Variants in XPR1 observed in about 807,000 individuals in gnomAD.
XPR1 encodes the protein xenotropic and polytropic retrovirus receptor 1.
In XPR1, 28 loss-of-function variants were observed where a neutral mutation model predicts 87.5. The observed-to-expected ratio is 0.32, with a 90% CI of 0.24 to 0.44. XPR1 has a LOEUF of 0.44. Ranked by LOEUF, XPR1 falls within the 20% of genes least tolerant of loss-of-function variation. The probability of loss-of-function intolerance (pLI) is 1.00; values close to 1 mark genes in which losing one functional copy is unlikely to be tolerated. For missense variants in XPR1, 559 were observed against 862.3 expected, an observed-to-expected ratio of 0.65 and a Z score of 4.41; for synonymous variants, 300 against 306.1, an observed-to-expected ratio of 0.98 and a Z score of 0.21.
rs7519345 is a variant in XPR1 at position 180,804,108 on chromosome 1, C to T, written c.447+497C>T. Among the ~76,000 whole-genome samples, 1,024 of 152,148 alleles carry T rather than the reference C, an allele frequency of 6.7e-3. 6 individuals carry two copies. Among genetic ancestry groups the T allele is most frequent in the Non-Finnish European group, 8.7e-3 (588 of 67,970 alleles). On this transcript the variant is annotated intron_variant, in intron 4 of 14. Coordinates refer to ENST00000367590, the MANE Select transcript of XPR1 (RefSeq NM_004736.4). ...TCAAGCAATTCTCCTACCTCGGCCT[C>T]CTGAGTAGCTGGGATTACAGGCGCA...
chr1:180,725,533 C>T (rs1658309631), intron 2 of XPR1, among the ~76,000 whole-genome samples: 1 of 152,094 alleles, frequency 6.6e-6, no homozygotes, highest in Admixed American at 6.5e-5. Context: ...ATTTTTTATC[C>T]TTCACTGTTT....
chr1:180,685,355 A>C (rs576641646), intron 2 of XPR1, among the ~76,000 whole-genome samples: 19 of 152,306 alleles, frequency 1.2e-4, no homozygotes, highest in African/African-American at 4.6e-4. Context: ...CATGGTGGAT[A>C]AGCTTTTTGA....
chr1:180,645,322 A>G (rs576814940), intron 1 of XPR1, among the ~76,000 whole-genome samples: 1 of 152,372 alleles, frequency 6.6e-6, no homozygotes, highest in South Asian at 2.1e-4. Flanking sequence ...GGGAGAAAGA[A>G]GGCCCTGGCT....
intron 9 of XPR1, among the ~76,000 whole-genome samples, chr1:180,826,641 A>G (rs919048256): frequency 2.0e-5 from 3 of 152,224 alleles, no homozygotes; most frequent in Non-Finnish European, 4.4e-5. Flanking sequence ...ACAGCTAACA[A>G]TAAAGATTAG....
At chr1:180,716,642 T>A (rs1020833110) in intron 2 of XPR1, among the ~76,000 whole-genome samples, 6 of 152,214 alleles carry the variant, frequency 3.9e-5, no homozygotes, top group African/African-American at 1.4e-4. Flanking sequence ...CAGGTATAAA[T>A]TTCAGGTTCT....
intron 1 of XPR1, among the ~76,000 whole-genome samples, chr1:180,658,877 G>A (rs1011610619): frequency 6.6e-6 from 1 of 151,916 alleles, no homozygotes; most frequent in African/African-American, 2.4e-5. Context: ...CCGATCATAT[G>A]GTTTTTATCC....
intron 10 of XPR1, among the ~76,000 whole-genome samples, chr1:180,835,562 C>T (rs113933286): frequency 1.3e-5 from 2 of 151,906 alleles, no homozygotes; most frequent in Admixed American, 1.3e-4. Context: ...ACAAAGATCT[C>T]ATTGAGATAG....
In XPR1 at chr1:180,727,943, G is replaced by A. The variant is rs1658411349; in HGVS notation, c.121+45532G>A. Among the ~76,000 whole-genome samples, 3 of 152,098 alleles carry A rather than the reference G, an allele frequency of 2.0e-5. 1 individual carries two copies. In the South Asian group the frequency reaches 6.2e-4, roughly 32 times the overall value. Reference sequence around the variant, plus strand: ...CTTGATTTTGGTCGGCTTCTTTACTGCAACCTGTTTTATCAGCAAGGTCTT... The same window carrying A: ...CTTGATTTTGGTCGGCTTCTTTACTACAACCTGTTTTATCAGCAAGGTCTT... On this transcript the variant is annotated intron_variant, in intron 2 of 14. Coordinates refer to ENST00000367590, the MANE Select transcript of XPR1 (RefSeq NM_004736.4).
chr1:180,773,007 G>A (rs926340041), intron 2 of XPR1, among the ~76,000 whole-genome samples: 1 of 152,078 alleles, frequency 6.6e-6, no homozygotes, highest in Non-Finnish European at 1.5e-5. Context: ...GCTCCCCAGG[G>A]TACAGTTCCC....
chr1:180,697,283 A>G (rs1354490974), intron 2 of XPR1, among the ~76,000 whole-genome samples: 1 of 152,030 alleles, frequency 6.6e-6, no homozygotes, highest in African/African-American at 2.4e-5. Context: ...ATAGTGTCTA[A>G]TAAGTTTGTA....
intron 2 of XPR1, among the ~76,000 whole-genome samples, chr1:180,739,177 C>A (rs372716851): frequency 6.6e-6 from 1 of 152,140 alleles, no homozygotes. Flanking sequence ...TGTCAAAAAT[C>A]AATTTACCGT....
At chr1:180,878,375 A>T (rs1380474281) in intron 13 of XPR1, 2 of 152,184 alleles carry the variant, frequency 1.3e-5, no homozygotes. Flanking sequence ...AGGCGTCTGC[A>T]CTTGCTGTCT....
chr1:180,636,653 G>A (rs1320230794), intron 1 of XPR1, among the ~76,000 whole-genome samples: 3 of 152,156 alleles, frequency 2.0e-5, no homozygotes, highest in African/African-American at 7.2e-5. Flanking sequence ...AAGCATTTAA[G>A]AGAATGATTG....
rs370177151 is a variant in XPR1, at chr1:180,787,853, A to G, written c.222A>G (p.Ser74=). ...TTGCCAAAATCAACACATTTTATTC[A>G]GGTGAGTAATTAAGAGACTTTTTTT... ...KELAKINTFY[S]EKLAEAQRRF... Residue 74 remains serine (S), a splice_region_variant and synonymous_variant, in exon 3 of 15, where the codon TCA becomes TCG. Coordinates refer to ENST00000367590, the MANE Select transcript of XPR1 (RefSeq NM_004736.4). The G allele has an allele frequency of 4.2e-5, 67 of 1,604,740 alleles. No individual in the cohort carries two copies. Among genetic ancestry groups the G allele is most frequent in the Non-Finnish European group, 5.4e-5 (63 of 1,176,220 alleles).
At chr1:180,799,587 G>A (rs1649707292) in intron 3 of XPR1, among the ~76,000 whole-genome samples, 2 of 152,172 alleles carry the variant, frequency 1.3e-5, no homozygotes, top group Non-Finnish European at 2.9e-5. Flanking sequence ...AGGAGATGGT[G>A]GTGCTGGAGA....
intron 1 of XPR1, among the ~76,000 whole-genome samples, chr1:180,651,424 A>G (rs890977733): frequency 3.3e-5 from 5 of 152,172 alleles, no homozygotes; most frequent in African/African-American, 1.2e-4. Flanking sequence ...TTGTGATAAG[A>G]TGAATGACTG....
intron 11 of XPR1, among the ~76,000 whole-genome samples, chr1:180,859,291 ATTTATT>A (rs1440398455): frequency 1.3e-5 from 2 of 152,038 alleles, no homozygotes; most frequent in African/African-American, 2.4e-5. Context: ...ACTGTAAGAA[ATTTATT>A]TTTATTTTTA....
At chr1:180,652,263 G>T (rs115240028) in intron 1 of XPR1, among the ~76,000 whole-genome samples, 1 of 151,982 alleles carries the variant, frequency 6.6e-6, no homozygotes, top group African/African-American at 2.4e-5. Context: ...TTGCACTCCA[G>T]CCTAGGAGAC....
At chr1:180,879,087 T>C (rs548014791) in intron 13 of XPR1, among the ~76,000 whole-genome samples, 4 of 152,332 alleles carry the variant, frequency 2.6e-5, no homozygotes, top group Admixed American at 2.6e-4. Flanking sequence ...TAGTAAATGG[T>C]GTCACCTTTC....
Sources: gnomAD v4.1 joint callset for allele counts (sites outside exome capture counted in the v4.1 genomes callset) on GRCh38, gnomAD v4.1.1 for gene constraint, MANE v1.5 for transcripts, NCBI Gene and HGNC (gene_info 2026-07-23, HGNC 2026-07-21) for gene names.